Variants in LHFPL5 observed in about 807,000 individuals in gnomAD.
The protein encoded by LHFPL5 is LHFPL tetraspan subfamily member 5 protein.
Under a neutral mutation model 18.7 loss-of-function variants are expected in LHFPL5, and 12 were observed. The ratio of observed to expected loss-of-function variants is 0.64; its 90% CI spans 0.41 to 1.04. The LOEUF is 1.04. LHFPL5 is among the 50% of genes least tolerant of loss of function. The probability of loss-of-function intolerance (pLI) is 0.00; values close to 1 mark genes in which losing one functional copy is unlikely to be tolerated. For missense variants in LHFPL5, 259 were observed against 292.1 expected, an observed-to-expected ratio of 0.89 and a Z score of 0.83; for synonymous variants, 111 against 120.2, an observed-to-expected ratio of 0.92 and a Z score of 0.50.
In LHFPL5 at chr6:35,805,824, G is replaced by T. The variant is rs898913952; in HGVS notation, c.154G>T (p.Asp52Tyr). 1 of 1,614,110 alleles carries T rather than the reference G, an allele frequency of 6.2e-7. No individual in the cohort carries two copies. Among genetic ancestry groups the T allele is most frequent in the African/African-American group, 1.3e-5 (1 of 74,934 alleles). Reference protein sequence around the residue: ...ALFIQPYWIGDSVNTPQAGYF... With the variant: ...ALFIQPYWIGYSVNTPQAGYF... The stretch of plus-strand genomic sequence containing the variant: ...CTTCATCCAGCCCTACTGGATCGGC[G>T]ACAGCGTCAACACACCGCAGGCAGG... Residue 52 changes from aspartate to tyrosine, a missense_variant, in exon 1 of 4, where the codon GAC becomes TAC. Asp to Tyr is a radical substitution (Grantham distance 160). Coordinates refer to ENST00000360215, the MANE Select transcript of LHFPL5 (RefSeq NM_182548.4). This position sits in a 1 kb window ranked among gnomAD's most constrained non-coding sequence, Gnocchi z 4.3.
intron 1 of LHFPL5, among the ~76,000 whole-genome samples, chr6:35,808,297 T>TA (rs1554146778): frequency 8.4e-5 from 12 of 142,104 alleles, no homozygotes; most frequent in Non-Finnish European, 1.8e-4. Flanking sequence ...TATCTCTATT[T>TA]TATATATATA....
intron 3 of LHFPL5, among the ~76,000 whole-genome samples, chr6:35,822,603 G>A (rs974951590): frequency 7.2e-5 from 11 of 152,142 alleles, no homozygotes; most frequent in African/African-American, 2.2e-4. Context: ...TGCCTCCCAG[G>A]TTCAAGTGAT....
intron 2 of LHFPL5, among the ~76,000 whole-genome samples, chr6:35,818,628 G>T (rs1330883936): frequency 1.3e-5 from 2 of 151,450 alleles, no homozygotes; most frequent in African/African-American, 4.9e-5. Context: ...GGGATTATAG[G>T]TGTGAGCCAC....
In LHFPL5 at chr6:35,822,630, C is replaced by T. The variant is rs570960467; in HGVS notation, c.*17-352C>T. 2.2e-3 allele frequency among the ~76,000 whole-genome samples: 342 copies of T among 152,294 alleles called. 3 individuals carry two copies. The highest frequency in any genetic ancestry group is 3.9e-3 in the Non-Finnish European group (266 of 68,026). ...TCAAGTGATCCTCCTGCCTCAGCCT[C>T]CCAAGTAGCTAGGACTACAGGCACG... On this transcript the variant is annotated intron_variant, in intron 3 of 3. Transcript: ENST00000360215.
At chr6:35,821,026 G>A (rs1226943512) in intron 3 of LHFPL5, among the ~76,000 whole-genome samples, 2 of 152,118 alleles carry the variant, frequency 1.3e-5, no homozygotes, top group Admixed American at 6.6e-5. Flanking sequence ...AGATTCTGCT[G>A]GGTGCAGTGG....
chr6:35,820,842 G>A (rs1472507750), intron 3 of LHFPL5, among the ~76,000 whole-genome samples: 3 of 152,162 alleles, frequency 2.0e-5, no homozygotes, highest in African/African-American at 4.8e-5. Flanking sequence ...TGGGAAGGAG[G>A]GTTTAGCTCC....
At chr6:35,807,880 C>T (rs1048433971) in intron 1 of LHFPL5, among the ~76,000 whole-genome samples, 1 of 152,176 alleles carries the variant, frequency 6.6e-6, no homozygotes, top group African/African-American at 2.4e-5. Flanking sequence ...AATATCTTTA[C>T]ATATAATATC....
At chr6:35,813,690 T>C (rs1303829926) in intron 1 of LHFPL5, among the ~76,000 whole-genome samples, 1 of 151,840 alleles carries the variant, frequency 6.6e-6, no homozygotes, top group Non-Finnish European at 1.5e-5. Context: ...ATACATTAAA[T>C]CTAAGATACC....
chr6:35,814,125 C>T lies in LHFPL5; in HGVS notation c.413-421C>T, dbSNP rs1170757579. On this transcript the variant is annotated intron_variant, in intron 1 of 3. Transcript: ENST00000360215. The surrounding 1 kb of genome is among the most constrained non-coding windows in gnomAD (Gnocchi z 4.2). ...ACACTTTCTTATTGAGCTTATTTCA[C>T]AGATGTTGTAAGTACGAAGAAATGT... Among the ~76,000 whole-genome samples, 2 of 152,204 alleles carry T rather than the reference C, an allele frequency of 1.3e-5. No individual in the cohort carries two copies. Among genetic ancestry groups the T allele is most frequent in the Non-Finnish European group, 2.9e-5 (2 of 68,032 alleles).
chr6:35,819,394 C>A, intron 2 of LHFPL5, 43 bp from the exon 3 acceptor site: 3 of 1,606,010 alleles, frequency 1.9e-6, no homozygotes. Flanking sequence ...ATCCTAAAAA[C>A]GAGACTTGGT....
In LHFPL5 at chr6:35,805,570, C is replaced by T. The variant is rs370222283; in HGVS notation, c.-101C>T. The T allele has an allele frequency of 5.9e-6, 8 of 1,345,766 alleles. No homozygotes were observed. The highest frequency in any genetic ancestry group is 3.6e-5 in the South Asian group (3 of 83,088). 83.4% of individuals were successfully genotyped at this position (1,345,766 alleles called of 1,614,324 possible). A position where few individuals can be genotyped will look rare whatever the true frequency, so the allele number is the denominator to read the frequency against. On this transcript the variant is annotated 5_prime_UTR_variant, in exon 1 of 4. Transcript: ENST00000360215. This position sits in a 1 kb window ranked among gnomAD's most constrained non-coding sequence, Gnocchi z 4.3. ...CCTGGTGCCCTGACCTCAGCCTCCT[C>T]CCCAAACCCCGCTGGGGAGTGACCT...
At chr6:35,820,700 AAAAT>A (rs10682489) in intron 3 of LHFPL5, among the ~76,000 whole-genome samples, 14 of 148,222 alleles carry the variant, frequency 9.4e-5, no homozygotes, top group East Asian at 2.0e-4. Flanking sequence ...ACTCCATCTC[AAAAT>A]AAATAAATAA....
chr6:35,822,023 T>C (rs1240861064), intron 3 of LHFPL5, among the ~76,000 whole-genome samples: 1 of 151,786 alleles, frequency 6.6e-6, no homozygotes, highest in Non-Finnish European at 1.5e-5. Context: ...TACAGGCACA[T>C]ACCTCCTGCC....
intron 1 of LHFPL5, among the ~76,000 whole-genome samples, chr6:35,807,933 A>G (rs987693342): frequency 4.6e-5 from 7 of 152,134 alleles, no homozygotes; most frequent in African/African-American, 1.7e-4. Context: ...GTATTTATCT[A>G]TTTTACAAAG....
chr6:35,816,354 A>AG (rs1456546990), intron 2 of LHFPL5, among the ~76,000 whole-genome samples: 1 of 150,906 alleles, frequency 6.6e-6, no homozygotes, highest in African/African-American at 2.4e-5. Context: ...TCAAAAAAAA[A>AG]AAAAAAAGAA....
At chr6:35,807,367 G>A (rs1456155296) in intron 1 of LHFPL5, among the ~76,000 whole-genome samples, 1 of 152,150 alleles carries the variant, frequency 6.6e-6, no homozygotes, top group East Asian at 1.9e-4. Context: ...CCTGCTTCTA[G>A]CTCAGGAAGG....
At chr6:35,820,006 G>C (rs1768837803) in intron 3 of LHFPL5, among the ~76,000 whole-genome samples, 2 of 152,124 alleles carry the variant, frequency 1.3e-5, no homozygotes, top group African/African-American at 4.8e-5. Flanking sequence ...GGCGGAAAAA[G>C]ATCAGGGAAA....
chr6:35,817,136 A>G (rs1218233286), intron 2 of LHFPL5, among the ~76,000 whole-genome samples: 1 of 152,164 alleles, frequency 6.6e-6, no homozygotes, highest in Non-Finnish European at 1.5e-5. Flanking sequence ...CCTGGCTAAC[A>G]TAGTGAAACC....
Position 35,814,618 on chromosome 6 carries a change from G to A in LHFPL5, c.485G>A (p.Gly162Glu). ...WDSSEVRRMC[G>E]EQTGKYTLGH... ...TCAAGTGAGGTGCGGCGCATGTGTGGGGAGCAGACGGGCAAGTACACGCTG... is the reference window on the plus strand; with the variant it reads ...TCAAGTGAGGTGCGGCGCATGTGTGAGGAGCAGACGGGCAAGTACACGCTG... The change falls in exon 2 of 4, where the codon GGG becomes GAG. Residue 162 changes from glycine (G) to glutamate (E), a missense_variant. By Grantham distance (98) the Gly-to-Glu change is moderately conservative. Coordinates refer to ENST00000360215, the MANE Select transcript of LHFPL5 (RefSeq NM_182548.4). The surrounding 1 kb of genome is among the most constrained non-coding windows in gnomAD (Gnocchi z 4.2). 1 of 1,614,156 alleles carries A rather than the reference G, an allele frequency of 6.2e-7. No individual in the cohort carries two copies. Among genetic ancestry groups the A allele is most frequent in the East Asian group, 2.2e-5 (1 of 44,874 alleles).
Sources: gnomAD v4.1 joint callset for allele counts (sites outside exome capture counted in the v4.1 genomes callset) on GRCh38, gnomAD v4.1.1 for gene constraint, Gnocchi (gnomAD v3.1) non-coding constraint, MANE v1.5 for transcripts, NCBI Gene and HGNC (gene_info 2026-07-23, HGNC 2026-07-21) for gene names.